The following CNTN4 variants were observed in gnomAD, a reference collection of about 807,000 sequenced individuals.
The protein encoded by CNTN4 is contactin-4.
In CNTN4, 77 loss-of-function variants were observed where a neutral mutation model predicts 122.5. The ratio of observed to expected loss-of-function variants is 0.63; its 90% CI spans 0.52 to 0.76. CNTN4 has a LOEUF of 0.76. Among genes scored for constraint, CNTN4 ranks in the 30% least tolerant of loss-of-function variants. CNTN4 has a pLI of 0.00. For missense variants in CNTN4, 1,256 were observed against 1,259.1 expected (o/e 1.00, Z 0.04); for synonymous variants, 512 against 447.0 (o/e 1.15, Z -1.83).
At chr3:2,302,151 C>T (rs957386751) in intron 2 of CNTN4, among the ~76,000 whole-genome samples, 2 of 152,170 alleles carry the variant, frequency 1.3e-5, no homozygotes, top group African/African-American at 4.8e-5. Context: ...TAGAATTGGG[C>T]TGGGCACAGT....
At chr3:2,949,652 A>G (rs1187776862) in intron 13 of CNTN4, among the ~76,000 whole-genome samples, 4 of 152,012 alleles carry the variant, frequency 2.6e-5, no homozygotes, top group African/African-American at 9.7e-5. Flanking sequence ...CTTAAATTCT[A>G]CTCTCTAGAC....
intron 2 of CNTN4, among the ~76,000 whole-genome samples, chr3:2,168,769 C>T (rs1408272218): frequency 6.6e-6 from 1 of 152,050 alleles, no homozygotes; most frequent in Non-Finnish European, 1.5e-5. Context: ...GTATGTAATA[C>T]ATTTTCAAAA....
chr3:2,515,424 T>TA (rs1559625536), intron 3 of CNTN4, among the ~76,000 whole-genome samples: 1 of 152,156 alleles, frequency 6.6e-6, no homozygotes, highest in Admixed American at 6.5e-5. Context: ...GCTTGATTTT[T>TA]AAAAAGAGAA....
chr3:2,687,571 C>A (rs535905638), intron 4 of CNTN4, among the ~76,000 whole-genome samples: 2 of 152,204 alleles, frequency 1.3e-5, no homozygotes, highest in East Asian at 3.9e-4. Context: ...GATTGCTTGT[C>A]CTCAAGAGGT....
chr3:2,663,264 A>G (rs1346359221), intron 4 of CNTN4, among the ~76,000 whole-genome samples: 3 of 152,228 alleles, frequency 2.0e-5, no homozygotes, highest in Non-Finnish European at 4.4e-5. Context: ...GATTAATGGT[A>G]TATAATAGGA....
intron 23 of CNTN4, among the ~76,000 whole-genome samples, chr3:3,047,501 A>G (rs1397734352): frequency 6.7e-6 from 1 of 150,362 alleles, no homozygotes; most frequent in Non-Finnish European, 1.5e-5. Context: ...CTACATGGCA[A>G]CTGAACAACC....
chr3:2,605,430 G>A (rs886748167), intron 4 of CNTN4, among the ~76,000 whole-genome samples: 26 of 151,818 alleles, frequency 1.7e-4, no homozygotes, highest in African/African-American at 4.6e-4. Flanking sequence ...TAAAGACTTT[G>A]GATTTTTTTT....
At chr3:2,394,988 T>C (rs1300654314) in intron 3 of CNTN4, among the ~76,000 whole-genome samples, 2 of 152,074 alleles carry the variant, frequency 1.3e-5, no homozygotes, top group African/African-American at 4.8e-5. Context: ...GATTTTACCA[T>C]GTTGGCCAGG....
chr3:2,858,811 T>C (rs769759717), intron 7 of CNTN4, among the ~76,000 whole-genome samples: 3 of 152,344 alleles, frequency 2.0e-5, no homozygotes, highest in Non-Finnish European at 2.9e-5. Context: ...ACATTGCATA[T>C]ATTTATGGCA....
intron 8 of CNTN4, among the ~76,000 whole-genome samples, chr3:2,867,843 C>T (rs762483103): frequency 5.9e-5 from 9 of 152,100 alleles, no homozygotes; most frequent in Non-Finnish European, 1.2e-4. Flanking sequence ...GTCTGTCTTA[C>T]TAGCAATTTG....
Position 2,590,241 on chromosome 3 carries a change from TATCACC to T in CNTN4, c.55+18684_55+18689del, listed in dbSNP as rs2080403718. On this transcript the variant is annotated intron_variant, in intron 4 of 24. Coordinates refer to ENST00000418658, the MANE Select transcript of CNTN4 (RefSeq NM_175607.3). ...ATCATTTGAAAACACAAATCTATCATATCACCTTTCTTCTTTTTTTGTTGTTTTGTT... is the reference window on the plus strand; with the variant it reads ...ATCATTTGAAAACACAAATCTATCATTTTCTTCTTTTTTTGTTGTTTTGTT... 1.1e-4 allele frequency among the ~76,000 whole-genome samples: 16 copies of T among 152,268 alleles called. No individual in the cohort carries two copies. The South Asian group carries it at 3.3e-3, about 32-fold the overall frequency.
At chr3:2,328,337 C>A in intron 2 of CNTN4, among the ~76,000 whole-genome samples, 1 of 150,398 alleles carries the variant, frequency 6.6e-6, no homozygotes, top group Non-Finnish European at 1.5e-5. Context: ...ACCCGGGAGG[C>A]GGAGCTTGCG....
intron 6 of CNTN4, among the ~76,000 whole-genome samples, chr3:2,770,177 G>A (rs1425478894): frequency 7.9e-5 from 12 of 151,948 alleles, no homozygotes; most frequent in Non-Finnish European, 1.0e-4. Flanking sequence ...CTACAGGCAC[G>A]CGTCATCATG....
rs554918901 is a variant in CNTN4, at chr3:2,455,636, C to T, written c.-88-115780C>T. Among the ~76,000 whole-genome samples, 111 of 152,046 alleles carry T rather than the reference C, an allele frequency of 7.3e-4. 1 individual carries two copies. Among genetic ancestry groups the T allele is most frequent in the Non-Finnish European group, 1.9e-4 (13 of 67,950 alleles). The stretch of plus-strand genomic sequence containing the variant: ...TGTTTTGTCAGTGATGGAGGAAGGG[C>T]GCCTCCAAAAAATATGCAAAGTTAA... On this transcript the variant is annotated intron_variant, in intron 3 of 24. Coordinates refer to ENST00000418658, the MANE Select transcript of CNTN4 (RefSeq NM_175607.3).
intron 3 of CNTN4, among the ~76,000 whole-genome samples, chr3:2,522,913 T>C (rs1281547794): frequency 6.6e-6 from 1 of 152,142 alleles, no homozygotes; most frequent in Non-Finnish European, 1.5e-5. Flanking sequence ...AGTACTAGAT[T>C]GATAGCTCTG....
chr3:2,766,763 C>T (rs2090880125), intron 6 of CNTN4, among the ~76,000 whole-genome samples: 1 of 152,098 alleles, frequency 6.6e-6, no homozygotes, highest in Non-Finnish European at 1.5e-5. Flanking sequence ...ATTAAAAATT[C>T]AGGAGATGCA....
At chr3:2,202,994 T>A (rs568338844) in intron 2 of CNTN4, among the ~76,000 whole-genome samples, 136 of 148,962 alleles carry the variant, frequency 9.1e-4, no homozygotes, top group African/African-American at 1.6e-3. Context: ...GCTAATTATT[T>A]TTTTTTTTTT....
intron 12 of CNTN4, among the ~76,000 whole-genome samples, chr3:2,920,062 G>C (rs1191767078): frequency 6.6e-6 from 1 of 151,898 alleles, no homozygotes; most frequent in Non-Finnish European, 1.5e-5. Context: ...CGTGCTCAAA[G>C]TATTTGTCAG....
intron 4 of CNTN4, among the ~76,000 whole-genome samples, chr3:2,659,965 A>G (rs1384909613): frequency 6.6e-6 from 1 of 152,220 alleles, no homozygotes; most frequent in Non-Finnish European, 1.5e-5. Context: ...TACCTTGTAC[A>G]TGAAATCCTA....
Sources: gnomAD v4.1 joint callset for allele counts (sites outside exome capture counted in the v4.1 genomes callset) on GRCh38, gnomAD v4.1.1 for gene constraint, MANE v1.5 for transcripts, NCBI Gene and HGNC (gene_info 2026-07-23, HGNC 2026-07-21) for gene names.